The following SCAPER variants were observed in gnomAD, a reference collection of about 807,000 sequenced individuals.
The protein encoded by SCAPER is S-phase cyclin A associated protein in the ER.
Under a neutral mutation model 182.2 loss-of-function variants are expected in SCAPER, and 98 were observed. That is an observed-to-expected ratio of 0.54 (90% confidence interval 0.46 to 0.64). The LOEUF (loss-of-function observed/expected upper bound fraction) is 0.64. SCAPER is among the 30% of genes least tolerant of loss of function. The pLI is 0.00. For synonymous variants in SCAPER, 605 were observed against 564.6 expected, an observed-to-expected ratio of 1.07 and a Z score of -1.01; for missense variants, 1,432 against 1,690.0, an observed-to-expected ratio of 0.85 and a Z score of 2.68.
rs67231689 is a variant in SCAPER, at chr15:76,757,455, T to TACAC, written c.1726-3511_1726-3508dup. On this transcript the variant is annotated intron_variant, in intron 14 of 31. Coordinates refer to ENST00000563290, the MANE Select transcript of SCAPER (RefSeq NM_020843.4). ...GCTAGATAATATTCTGTTTTATATA[T>TACAC]ACACACACACACACACACACACACT... Among the ~76,000 whole-genome samples, 801 of 150,512 alleles carry TACAC rather than the reference T, an allele frequency of 5.3e-3. 10 individuals are homozygous for TACAC. Among genetic ancestry groups the TACAC allele is most frequent in the East Asian group, 0.039 (200 of 5,108 alleles).
At chr15:76,767,555 T>A (rs1469956315) in intron 10 of SCAPER, among the ~76,000 whole-genome samples, 1 of 151,920 alleles carries the variant, frequency 6.6e-6, no homozygotes, top group Non-Finnish European at 1.5e-5. Flanking sequence ...CTGCAAATAA[T>A]AAAAATATAC....
chr15:76,862,644 T>TTTGG (rs2071971136), intron 2 of SCAPER, 111 bp from the exon 3 acceptor site: 1 of 649,882 alleles, frequency 1.5e-6, no homozygotes, highest in Admixed American at 3.3e-5. Context: ...TTAAAACTAA[T>TTTGG]TTGGGATGTG....
chr15:76,453,952 A>G (rs1457092671), intron 25 of SCAPER, among the ~76,000 whole-genome samples: 1 of 152,214 alleles, frequency 6.6e-6, no homozygotes. Context: ...ATTTTCCAAT[A>G]TGTAGTAGTA....
At chr15:76,896,444 A>C (rs1480523788) in intron 1 of SCAPER, among the ~76,000 whole-genome samples, 1 of 152,192 alleles carries the variant, frequency 6.6e-6, no homozygotes, top group African/African-American at 2.4e-5. Context: ...CTATACACTG[A>C]AAACCATAAA....
chr15:76,514,309 C>T (rs1033746021), intron 23 of SCAPER, among the ~76,000 whole-genome samples: 5 of 152,182 alleles, frequency 3.3e-5, no homozygotes, highest in Admixed American at 3.3e-4. Context: ...TGCTCTCACC[C>T]ACTGTGAGAC....
At chr15:76,804,130 C>T (rs1363012196) in intron 6 of SCAPER, among the ~76,000 whole-genome samples, 1 of 152,186 alleles carries the variant, frequency 6.6e-6, no homozygotes, top group Non-Finnish European at 1.5e-5. Flanking sequence ...AATGGCCAAC[C>T]AGCTGGTAAA....
At chr15:76,811,659 A>C (rs898551286) in intron 5 of SCAPER, among the ~76,000 whole-genome samples, 19 of 152,038 alleles carry the variant, frequency 1.2e-4, no homozygotes, top group African/African-American at 4.6e-4. Flanking sequence ...GTGCTGGCAC[A>C]TGCCTGTAAT....
chr15:76,348,910 G>A (rs1339758544), intron 31 of SCAPER, 174 bp from the exon 32 acceptor site: 2 of 478,320 alleles, frequency 4.2e-6, no homozygotes, highest in Non-Finnish European at 7.6e-6. Context: ...CAATCTATCT[G>A]TAGTATAAAA....
At chr15:76,479,165 G>A (rs2050897247) in intron 24 of SCAPER, among the ~76,000 whole-genome samples, 1 of 151,598 alleles carries the variant, frequency 6.6e-6, no homozygotes. Flanking sequence ...TTTCTGATGA[G>A]GAAAAAAAAG....
chr15:76,896,868 C>A (rs2074462358), intron 1 of SCAPER, among the ~76,000 whole-genome samples: 1 of 152,194 alleles, frequency 6.6e-6, no homozygotes, highest in African/African-American at 2.4e-5. Context: ...CTCACTTGAG[C>A]CCAGGAGATA....
intron 23 of SCAPER, among the ~76,000 whole-genome samples, chr15:76,548,781 T>C (rs147106934): frequency 0.016 from 2,375 of 152,306 alleles, 64 homozygotes; most frequent in African/African-American, 0.055. Context: ...TTACACCTTA[T>C]ACAAAAATTA....
At chr15:76,763,475 G>A (rs1463585119) in intron 14 of SCAPER, among the ~76,000 whole-genome samples, 1 of 151,730 alleles carries the variant, frequency 6.6e-6, no homozygotes, top group Admixed American at 6.6e-5. Context: ...TTCTTTAACT[G>A]TTGTGGGGTT....
chr15:76,711,677 T>C (rs922157129), intron 17 of SCAPER, among the ~76,000 whole-genome samples: 18 of 152,104 alleles, frequency 1.2e-4, no homozygotes, highest in African/African-American at 1.9e-4. Context: ...TTGCATTTCT[T>C]TGATGGCCAG....
At chr15:76,588,644 T>C (rs530732919) in intron 22 of SCAPER, among the ~76,000 whole-genome samples, 4 of 152,318 alleles carry the variant, frequency 2.6e-5, no homozygotes, top group Admixed American at 2.6e-4. Context: ...GTGCTGTTGG[T>C]TGCCTGTATA....
At position 76,766,925 on chromosome 15, in the gene SCAPER, T is replaced by G; in HGVS notation, c.1412A>C (p.Asp471Ala). The change falls in exon 11 of 32, where the codon GAT (aspartate) becomes GCT (alanine). Residue 471 changes from aspartate (D) to alanine (A), a missense_variant. By Grantham distance (126) the Asp-to-Ala change is moderately radical. This residue lies in a region of SCAPER where 128 missense variants were observed against 149.9 expected (regional missense o/e 0.85). Transcript: ENST00000563290. ...DINIETDNDSDFSASMGSGSV... is the reference protein window; with the variant it reads ...DINIETDNDSAFSASMGSGSV... The stretch of plus-strand genomic sequence containing the variant: ...AAAAGTCTAAAAGCTCACAGAAAAA[T>G]CACTGTCGTTGTCAGTTTCAATGTT... The G allele has an allele frequency of 6.3e-7, 1 of 1,586,804 alleles. No individual in the cohort carries two copies. Among genetic ancestry groups the G allele is most frequent in the South Asian group, 1.2e-5 (1 of 85,112 alleles).
intron 1 of SCAPER, 96 bp downstream of exon 1, chr15:76,905,202 AT>A: frequency 6.0e-6 from 1 of 165,524 alleles, no homozygotes; most frequent in South Asian, 1.0e-4. Context: ...CCCCGCCGCC[AT>A]TTTGTCCCCT....
intron 24 of SCAPER, among the ~76,000 whole-genome samples, chr15:76,483,852 G>A (rs1470626336): frequency 6.6e-6 from 1 of 152,114 alleles, no homozygotes; most frequent in African/African-American, 2.4e-5. Context: ...CAGAAATGCG[G>A]GTGAGTATGT....
chr15:76,556,861 A>C (rs2046235289), intron 23 of SCAPER, among the ~76,000 whole-genome samples: 1 of 152,196 alleles, frequency 6.6e-6, no homozygotes, highest in African/African-American at 2.4e-5. Context: ...AAAAAATCCC[A>C]CAGTCTGCCC....
intron 24 of SCAPER, among the ~76,000 whole-genome samples, chr15:76,500,937 G>T (rs760834532): frequency 6.6e-6 from 1 of 151,780 alleles, no homozygotes; most frequent in Non-Finnish European, 1.5e-5. Context: ...CAGTTACTCG[G>T]GAGGCTGAGG....
Sources: allele counts gnomAD v4.1 joint callset (sites outside exome capture counted in the v4.1 genomes callset), GRCh38; gene constraint gnomAD v4.1.1; regional missense constraint gnomAD v4.1.1; transcripts MANE v1.5; gene names NCBI Gene and HGNC (gene_info 2026-07-23, HGNC 2026-07-21).